The following ATRN variants were observed in gnomAD, a reference collection of about 807,000 sequenced individuals.
The protein encoded by ATRN is attractin, also known as attractin-2.
A neutral mutation model predicts 178.7 loss-of-function variants in ATRN; 54 were observed. The ratio of observed to expected loss-of-function variants is 0.30; its 90% CI spans 0.24 to 0.38. ATRN has a LOEUF of 0.38. Ranked by LOEUF, ATRN falls within the 10% of genes least tolerant of loss-of-function variation. ATRN has a pLI of 1.00. For synonymous variants in ATRN, 636 were observed against 663.0 expected (o/e 0.96, Z 0.63); for missense variants, 1,443 against 1,815.1 (o/e 0.79, Z 3.73).
chr20:3,593,681 T>C (rs1303686967), intron 19 of ATRN, among the ~76,000 whole-genome samples: 1 of 152,230 alleles, frequency 6.6e-6, no homozygotes, highest in Non-Finnish European at 1.5e-5. Context: ...TATTCTGTTT[T>C]ATAGTTTTCT....
intron 1 of ATRN, among the ~76,000 whole-genome samples, chr20:3,501,589 A>G (rs2084965619): frequency 6.6e-6 from 1 of 152,226 alleles, no homozygotes; most frequent in South Asian, 2.1e-4. Context: ...AACAACTAGT[A>G]GAGAAGCTGG....
chr20:3,622,655 A>G (rs1411852200), intron 24 of ATRN, among the ~76,000 whole-genome samples: 1 of 152,254 alleles, frequency 6.6e-6, no homozygotes, highest in Admixed American at 6.5e-5. Flanking sequence ...AGATGTTTCT[A>G]AGTGGTCAGT....
intron 24 of ATRN, among the ~76,000 whole-genome samples, chr20:3,621,011 C>CGTTAGT (rs1171482182): frequency 1.3e-5 from 2 of 152,104 alleles, no homozygotes; most frequent in Non-Finnish European, 2.9e-5. Context: ...TCAGCACTAT[C>CGTTAGT]GTTAGTGTTA....
At position 3,572,762 on chromosome 20, in the gene ATRN, C is replaced by T. The variant is rs2146242342; in HGVS notation, c.1903C>T (p.Leu635Phe). ...TMYVFGGFNSLLLSDILVFTS... is the reference protein window; with the variant it reads ...TMYVFGGFNSFLLSDILVFTS... ...GTATGTGTTCGGTGGTTTCAATAGT[C>T]TCCTCCTCAGCGACATCCTGGTATT... Residue 635 changes from leucine to phenylalanine, a missense_variant, in exon 12 of 29, where the codon CTC becomes TTC. Leu to Phe is a conservative substitution (Grantham distance 22). Around this residue, in one of 4 missense-constraint regions of ATRN, gnomAD observed 862 missense variants for 972.1 expected, o/e 0.89. Coordinates refer to ENST00000262919, the MANE Select transcript of ATRN (RefSeq NM_139321.3). 3 of 1,614,004 alleles carry T rather than the reference C, an allele frequency of 1.9e-6. No homozygotes were observed. Among genetic ancestry groups the T allele is most frequent in the Non-Finnish European group, 1.7e-6 (2 of 1,180,010 alleles).
At chr20:3,613,409 C>T (rs1406681830) in intron 24 of ATRN, among the ~76,000 whole-genome samples, 3 of 152,126 alleles carry the variant, frequency 2.0e-5, no homozygotes, top group Non-Finnish European at 4.4e-5. Context: ...GGGCTGAGCT[C>T]GTGTCTTCCT....
At chr20:3,607,935 T>A (rs1231274406) in intron 24 of ATRN, among the ~76,000 whole-genome samples, 1 of 152,198 alleles carries the variant, frequency 6.6e-6, no homozygotes, top group African/African-American at 2.4e-5. Context: ...TGATTTCTCA[T>A]TATGGTTTTG....
chr20:3,542,111 A>C (rs2085631015), intron 3 of ATRN, among the ~76,000 whole-genome samples: 1 of 152,248 alleles, frequency 6.6e-6, no homozygotes, highest in Admixed American at 6.5e-5. Flanking sequence ...TGTGCTGAGC[A>C]TTTAAAATGG....
chr20:3,514,023 A>G (rs891833167), intron 1 of ATRN, among the ~76,000 whole-genome samples: 2 of 152,172 alleles, frequency 1.3e-5, no homozygotes, highest in Non-Finnish European at 2.9e-5. Context: ...TAGATATACA[A>G]TCATGTCATC....
Position 3,582,242 on chromosome 20 carries a change from G to A in ATRN, c.2652G>A (p.Pro884=), listed in dbSNP as rs756692305. 49 of 1,613,786 alleles carry A rather than the reference G, an allele frequency of 3.0e-5. No individual in the cohort carries two copies. Among genetic ancestry groups the A allele is most frequent in the East Asian group, 4.5e-5 (2 of 44,896 alleles). The part of the protein sequence containing the change: ...PFTNSLLQWM[P]SEPSDAGFCG... ...CAAATAGTTTACTACAGTGGATGCC[G>A]TCTGAGCCCAGTGATGCTGGATTCT... is the stretch of plus-strand genomic sequence containing the variant. The change falls in exon 16 of 29, where the codon CCG becomes CCA. Residue 884 remains proline, a synonymous_variant. Transcript: ENST00000262919.
At chr20:3,580,833 G>A (rs866802602) in intron 15 of ATRN, among the ~76,000 whole-genome samples, 11 of 152,294 alleles carry the variant, frequency 7.2e-5, no homozygotes, top group South Asian at 4.1e-4. Context: ...GAATTGTATC[G>A]TGAAGGCAAA....
intron 1 of ATRN, among the ~76,000 whole-genome samples, chr20:3,510,897 G>A (rs984717276): frequency 3.3e-5 from 5 of 152,150 alleles, no homozygotes; most frequent in African/African-American, 1.2e-4. Context: ...AATGGGAAAA[G>A]TAATTTTAAT....
Position 3,535,021 on chromosome 20 carries a change from C to T in ATRN, c.411-232C>T, listed in dbSNP as rs191847449. ...CATTCCTGTTGGTTTTAATATTTTT[C>T]TGTCTTCTTTTTTAATGTATGCAAT... is the stretch of plus-strand genomic sequence containing the variant. On this transcript the variant is annotated intron_variant, in intron 1 of 28. Coordinates refer to ENST00000262919, the MANE Select transcript of ATRN (RefSeq NM_139321.3). Among the ~76,000 whole-genome samples the T allele has an allele frequency of 8.2e-4, 124 of 152,092 alleles. 1 individual carries two copies. Among genetic ancestry groups the T allele is most frequent in the African/African-American group, 2.9e-3 (119 of 41,496 alleles).
At chr20:3,614,925 G>A (rs2086821563) in intron 24 of ATRN, among the ~76,000 whole-genome samples, 1 of 152,106 alleles carries the variant, frequency 6.6e-6, no homozygotes, top group Non-Finnish European at 1.5e-5. Context: ...GTTCACCCGT[G>A]TTTAGTATGT....
At chr20:3,511,779 T>A (rs2085131666) in intron 1 of ATRN, among the ~76,000 whole-genome samples, 1 of 152,112 alleles carries the variant, frequency 6.6e-6, no homozygotes, top group Admixed American at 6.5e-5. Flanking sequence ...GTAGCTTATT[T>A]TCTTGACAAT....
chr20:3,647,778 G>A lies in ATRN; in HGVS notation c.*931G>A, dbSNP rs1267033929. ...TTTCTAAAATCTGATTTGCAGCCAGGAAAGAATTTTCTCACCCAAGGAACA... is the reference window on the plus strand; with the variant it reads ...TTTCTAAAATCTGATTTGCAGCCAGAAAAGAATTTTCTCACCCAAGGAACA... On this transcript the variant is annotated 3_prime_UTR_variant, in exon 29 of 29. Coordinates refer to ENST00000262919, the MANE Select transcript of ATRN (RefSeq NM_139321.3). 6.6e-6 allele frequency: 1 copy of A among 152,196 alleles called. No individual in the cohort carries two copies. The highest frequency in any genetic ancestry group is 2.4e-5 in the African/African-American group (1 of 41,436). The allele number at this position is 152,196 out of a possible 1,614,324, so 9.4% of individuals were successfully genotyped here. A position where few individuals can be genotyped will look rare whatever the true frequency, so the allele number is the denominator to read the frequency against.
At chr20:3,525,045 A>G (rs2085346069) in intron 1 of ATRN, among the ~76,000 whole-genome samples, 1 of 152,204 alleles carries the variant, frequency 6.6e-6, no homozygotes, top group Non-Finnish European at 1.5e-5. Context: ...ACAAGAAATA[A>G]TTAAGATCAG....
chr20:3,513,956 T>A (rs982943909), intron 1 of ATRN, among the ~76,000 whole-genome samples: 8 of 152,154 alleles, frequency 5.3e-5, no homozygotes. Context: ...ATCCTGAGAG[T>A]TTGCTGAAGT....
At chr20:3,527,520 T>TC (rs1240701680) in intron 1 of ATRN, among the ~76,000 whole-genome samples, 4 of 152,182 alleles carry the variant, frequency 2.6e-5, no homozygotes, top group African/African-American at 9.7e-5. Flanking sequence ...GTGGGGTGAC[T>TC]CAAGGTTCTA....
At chr20:3,646,473 G>A (rs1307150146) in intron 28 of ATRN, among the ~76,000 whole-genome samples, 2 of 152,108 alleles carry the variant, frequency 1.3e-5, no homozygotes, top group Non-Finnish European at 2.9e-5. Flanking sequence ...ATTTGCATAA[G>A]TATACCCTCA....
Sources: gnomAD v4.1 joint callset for allele counts (sites outside exome capture counted in the v4.1 genomes callset) on GRCh38, gnomAD v4.1.1 for gene constraint, gnomAD v4.1.1 regional missense constraint, MANE v1.5 for transcripts, NCBI Gene and HGNC (gene_info 2026-07-23, HGNC 2026-07-21) for gene names.